The following ALK variants were observed in gnomAD, a reference collection of about 807,000 sequenced individuals.
ALK encodes ALK tyrosine kinase receptor.
ALK carries 74 observed loss-of-function variants against 163.1 expected under a neutral mutation model. The observed-to-expected ratio is 0.45, with a 90% CI of 0.38 to 0.55. ALK has a LOEUF of 0.55. Among genes scored for constraint, ALK ranks in the 20% least tolerant of loss-of-function variants. ALK has a pLI of 0.00. For missense variants in ALK, 2,063 were observed against 2,105.3 expected, an observed-to-expected ratio of 0.98 and a Z score of 0.39; for synonymous variants, 960 against 843.2, an observed-to-expected ratio of 1.14 and a Z score of -2.40.
chr2:29,798,475 A>C (rs1314112086), intron 1 of ALK, among the ~76,000 whole-genome samples: 1 of 152,260 alleles, frequency 6.6e-6, no homozygotes, highest in Non-Finnish European at 1.5e-5. Flanking sequence ...CATGATTTGA[A>C]GAGATTTTGT....
At chr2:29,741,924 G>A (rs1680071795) in intron 1 of ALK, among the ~76,000 whole-genome samples, 1 of 152,194 alleles carries the variant, frequency 6.6e-6, no homozygotes, top group Non-Finnish European at 1.5e-5. Flanking sequence ...CTCACCCAAA[G>A]TGCTGGGACT....
At chr2:29,354,921 C>T (rs555001891) in intron 5 of ALK, among the ~76,000 whole-genome samples, 197 of 152,198 alleles carry the variant, frequency 1.3e-3, no homozygotes, top group East Asian at 5.2e-3. Flanking sequence ...TGCCTGCCAC[C>T]GCGCCTGGCT....
rs182357072 is a variant in ALK at position 29,296,400 on chromosome 2, T to C, written c.1817+488A>G. Among the ~76,000 whole-genome samples the C allele has an allele frequency of 1.1e-4, 17 of 152,346 alleles. No homozygotes were observed. In the East Asian group the frequency reaches 2.9e-3, roughly 26 times the overall value. On this transcript the variant is annotated intron_variant, in intron 9 of 28. Coordinates refer to ENST00000389048, the MANE Select transcript of ALK (RefSeq NM_004304.5). ...TCCAACTTGCTGGCACTTCACCGTT[T>C]TGATTCTGTTTCTCCCCTTATAACA...
At chr2:29,376,391 T>A (rs1056547100) in intron 5 of ALK, among the ~76,000 whole-genome samples, 1 of 152,190 alleles carries the variant, frequency 6.6e-6, no homozygotes, top group African/African-American at 2.4e-5. Context: ...AGGGTTAGGG[T>A]GCAAATTAAA....
Position 29,227,610 on chromosome 2 carries a change from T to C in ALK, c.2878A>G (p.Ser960Gly). 6.2e-7 allele frequency: 1 copy of C among 1,614,146 alleles called. No individual in the cohort carries two copies. The change falls in exon 17 of 29, where the codon AGT becomes GGT. Residue 960 changes from serine to glycine, a missense_variant. Around this residue, in one of 5 missense-constraint regions of ALK, gnomAD observed 575 missense variants for 626.6 expected, o/e 0.92. Coordinates refer to ENST00000389048, the MANE Select transcript of ALK (RefSeq NM_004304.5). This position sits in a 1 kb window ranked among gnomAD's most constrained non-coding sequence, Gnocchi z 4.4. ...MDGEDGVSFI[S>G]PLGILYTPAL... Reference sequence around the variant, plus strand: ...GGGGTGTACAGGATGCCCAGTGGACTGATGAAGGAAACCCCATCTTCCCCA... The same window carrying C: ...GGGGTGTACAGGATGCCCAGTGGACCGATGAAGGAAACCCCATCTTCCCCA...
chr2:29,248,066 T>C (rs1403934716), intron 12 of ALK, among the ~76,000 whole-genome samples: 1 of 152,234 alleles, frequency 6.6e-6, no homozygotes, highest in East Asian at 1.9e-4. Flanking sequence ...TACTAAGTTA[T>C]GTGACCAATA....
intron 23 of ALK, among the ~76,000 whole-genome samples, chr2:29,219,289 G>A (rs1018199744): frequency 6.6e-6 from 1 of 152,130 alleles, no homozygotes; most frequent in Non-Finnish European, 1.5e-5. Flanking sequence ...TCTTCTCAAG[G>A]GGTAAGACAG....
intron 3 of ALK, among the ~76,000 whole-genome samples, chr2:29,625,826 C>A (rs1402788866): frequency 6.6e-6 from 1 of 152,190 alleles, no homozygotes; most frequent in Non-Finnish European, 1.5e-5. Flanking sequence ...ACATCACTTG[C>A]CTGATGGAGC....
At chr2:29,868,023 G>A (rs1361119309) in intron 1 of ALK, among the ~76,000 whole-genome samples, 2 of 152,160 alleles carry the variant, frequency 1.3e-5, no homozygotes, top group Non-Finnish European at 2.9e-5. Flanking sequence ...GAACAGGTGT[G>A]TGTAATCTGG....
intron 1 of ALK, among the ~76,000 whole-genome samples, chr2:29,827,026 C>G (rs903105088): frequency 2.6e-5 from 4 of 152,180 alleles, no homozygotes; most frequent in Non-Finnish European, 1.5e-5. Flanking sequence ...GAACCCAAAT[C>G]CAAGTGTCAG....
At chr2:29,233,428 G>C in intron 14 of ALK, 137 bp downstream of exon 14, 6 of 1,279,762 alleles carry the variant, frequency 4.7e-6, no homozygotes, top group Non-Finnish European at 6.8e-6. Context: ...TTACAGGAAT[G>C]AGCCACTGTA....
At chr2:29,447,294 T>C (rs185989891) in intron 4 of ALK, among the ~76,000 whole-genome samples, 4 of 152,326 alleles carry the variant, frequency 2.6e-5, no homozygotes, top group Admixed American at 2.6e-4. Context: ...CAGAAATCTC[T>C]CTGGCAGGTA....
At chr2:29,211,887 A>G (rs1366357410) in intron 24 of ALK, among the ~76,000 whole-genome samples, 3 of 152,236 alleles carry the variant, frequency 2.0e-5, no homozygotes, top group African/African-American at 7.2e-5. Context: ...ATAAATGATT[A>G]CTCTGGGATC....
In ALK at chr2:29,771,305, C is replaced by T. The variant is rs542613394; in HGVS notation, c.668-53608G>A. On this transcript the variant is annotated intron_variant, in intron 1 of 28. Transcript: ENST00000389048. The stretch of plus-strand genomic sequence containing the variant: ...GATTAAAGGAGTTCATACTGCAAGA[C>T]AAATGAAATAAACTCAAACCATAAC... Among the ~76,000 whole-genome samples the T allele has an allele frequency of 2.0e-5, 3 of 152,214 alleles. No individual in the cohort carries two copies. In the South Asian group the frequency reaches 6.2e-4, roughly 32 times the overall value.
At chr2:29,353,436 T>C (rs891406524) in intron 5 of ALK, among the ~76,000 whole-genome samples, 5 of 152,218 alleles carry the variant, frequency 3.3e-5, no homozygotes, top group Admixed American at 6.5e-5. Context: ...AAAAATGACA[T>C]GATTAAACAG....
intron 3 of ALK, among the ~76,000 whole-genome samples, chr2:29,636,381 G>C (rs1000904915): frequency 5.9e-5 from 7 of 119,492 alleles, no homozygotes; most frequent in Non-Finnish European, 9.4e-5. Context: ...GAAAAGAAAA[G>C]AAAGATAAAG....
chr2:29,890,246 C>G (rs772277203), intron 1 of ALK: 6 of 152,156 alleles, frequency 3.9e-5, no homozygotes, highest in Non-Finnish European at 7.3e-5. Flanking sequence ...TTTGGTAACC[C>G]CTTTTAGTAC....
intron 3 of ALK, among the ~76,000 whole-genome samples, chr2:29,533,952 C>G (rs1160110156): frequency 6.6e-6 from 1 of 152,082 alleles, no homozygotes; most frequent in African/African-American, 2.4e-5. Flanking sequence ...GAGAGAAAAA[C>G]AAAGATACTG....
chr2:29,379,999 G>A lies in ALK; in HGVS notation c.1282+3733C>T, dbSNP rs140650815. Among the ~76,000 whole-genome samples, 1,342 of 152,250 alleles carry A rather than the reference G, an allele frequency of 8.8e-3. 28 individuals are homozygous for A. Among genetic ancestry groups the A allele is most frequent in the African/African-American group, 0.031 (1,267 of 41,528 alleles). On this transcript the variant is annotated intron_variant, in intron 5 of 28. Transcript: ENST00000389048. ...ACAGGCTGTACAGGAAGCATGGCTGGGGAGGCCTTAGGAAACTTGCAATCA... is the reference window on the plus strand; with the variant it reads ...ACAGGCTGTACAGGAAGCATGGCTGAGGAGGCCTTAGGAAACTTGCAATCA...
Sources: allele counts gnomAD v4.1 joint callset (sites outside exome capture counted in the v4.1 genomes callset), GRCh38; gene constraint gnomAD v4.1.1; regional missense constraint gnomAD v4.1.1; non-coding constraint Gnocchi (gnomAD v3.1); transcripts MANE v1.5; gene names NCBI Gene and HGNC (gene_info 2026-07-23, HGNC 2026-07-21).